MUL1: variants seen among roughly 807,000 people sequenced by gnomAD.
MUL1 encodes mitochondrial ubiquitin ligase activator of NFKB 1.
MUL1 carries 30 observed loss-of-function variants against 34.1 expected under a neutral mutation model. That is an observed-to-expected ratio of 0.88 (90% CI 0.66 to 1.19). The LOEUF (loss-of-function observed/expected upper bound fraction) is 1.19. Ranked by LOEUF, MUL1 falls within the 50% of genes most tolerant of loss-of-function variation. The pLI, the probability that MUL1 is intolerant of heterozygous loss-of-function variation, is 0.00. For missense variants in MUL1, 419 were observed against 450.5 expected (o/e 0.93, Z 0.63); for synonymous variants, 191 against 187.8 (o/e 1.02, Z -0.14).
chr1:20,500,800 A>G lies in MUL1; in HGVS notation c.949T>C (p.Cys317Arg), dbSNP rs1334828551. 1.9e-6 allele frequency: 3 copies of G among 1,613,974 alleles called. No homozygotes were observed. Among genetic ancestry groups the G allele is most frequent in the Non-Finnish European group, 2.5e-6 (3 of 1,180,032 alleles). ...SSFKSCVFLE[C>R]GHVCSCTECY... ...TCGGTGCAGGAACAAACGTGCCCAC[A>G]CTCCAGAAAGACGCAGGACTTGAAG... Residue 317 changes from cysteine to arginine, a missense_variant, in exon 4 of 4, where the codon TGT becomes CGT. Coordinates refer to ENST00000264198, the MANE Select transcript of MUL1 (RefSeq NM_024544.3).
Position 20,501,075 on chromosome 1 carries a change from T to C in MUL1, c.674A>G (p.Asp225Gly). 4 of 1,614,184 alleles carry C rather than the reference T, an allele frequency of 2.5e-6. No homozygotes were observed. Among genetic ancestry groups the C allele is most frequent in the Non-Finnish European group, 3.4e-6 (4 of 1,180,042 alleles). ...CTGCCTCTGCAGCAGGCTGTCGAAG[T>C]CCTGGCTGCTTAGATAGTACTGCAT... ...QGMQYYLSSQ[D>G]FDSLLQRQES... Residue 225 changes from aspartate to glycine, a missense_variant, in exon 4 of 4, where the codon GAC becomes GGC. Coordinates refer to ENST00000264198, the MANE Select transcript of MUL1 (RefSeq NM_024544.3). This position sits in a 1 kb window ranked among gnomAD's most constrained non-coding sequence, Gnocchi z 4.2.
rs1376796343 is a variant in MUL1 at position 20,501,404 on chromosome 1, C to A, written c.345G>T (p.Lys115Asn). The A allele has an allele frequency of 6.2e-7, 1 of 1,612,264 alleles. No individual in the cohort carries two copies. Among genetic ancestry groups the A allele is most frequent in the Admixed American group, 1.7e-5 (1 of 59,916 alleles). ...RTTHLWNDCS[K>N]IIHQRTNTVP... The stretch of plus-strand genomic sequence containing the variant: ...CTGTGTTGGTCCTCTGATGAATGAT[C>A]TTTGAGCAATCATTCCTAGAAGAAT... The change falls in exon 4 of 4, where the codon AAG becomes AAT. Residue 115 changes from lysine (K) to asparagine (N), a missense_variant. Lys to Asn is a moderately conservative substitution (Grantham distance 94). Transcript: ENST00000264198. The surrounding 1 kb of genome is among the most constrained non-coding windows in gnomAD (Gnocchi z 4.2).
intron 1 of MUL1, among the ~76,000 whole-genome samples, chr1:20,505,250 G>T (rs138339122): frequency 1.3e-5 from 2 of 152,210 alleles, no homozygotes; most frequent in Non-Finnish European, 2.9e-5. Flanking sequence ...CACAGGATAG[G>T]ACACAAGCCC....
At position 20,502,054 on chromosome 1, in the gene MUL1, A is replaced by T; in HGVS notation, c.329+15T>A. 1.2e-6 allele frequency: 2 copies of T among 1,612,862 alleles called. No individual in the cohort carries two copies. The highest frequency in any genetic ancestry group is 1.7e-6 in the Non-Finnish European group (2 of 1,179,828). The stretch of plus-strand genomic sequence containing the variant: ...CAACTGCAAGGGTTTTGGCCAGTGG[A>T]GAAGTGATACATACCAAAGGTGGGT... On this transcript the variant is annotated intron_variant, in intron 3 of 3. Coordinates refer to ENST00000264198, the MANE Select transcript of MUL1 (RefSeq NM_024544.3).
chr1:20,502,196 G>A lies in MUL1; in HGVS notation c.209-7C>T, dbSNP rs769254516. On this transcript the variant is annotated splice_polypyrimidine_tract_variant and splice_region_variant and intron_variant, in intron 2 of 3. Transcript: ENST00000264198. Reference sequence around the variant, plus strand: ...TTAACAGACCGCACAGCTCCTAAGTGGACACAAATTCTATTATTTCTGAAG... The same window carrying A: ...TTAACAGACCGCACAGCTCCTAAGTAGACACAAATTCTATTATTTCTGAAG... 3.3e-5 allele frequency: 54 copies of A among 1,613,556 alleles called. No homozygotes were observed. The highest frequency in any genetic ancestry group is 4.6e-5 in the Non-Finnish European group (54 of 1,179,836).
intron 1 of MUL1, among the ~76,000 whole-genome samples, chr1:20,507,364 T>G (rs752483664): frequency 4.6e-5 from 7 of 152,254 alleles, no homozygotes; most frequent in Non-Finnish European, 1.0e-4. Context: ...AATGGATGTC[T>G]GCACTTGCTG....
intron 1 of MUL1, among the ~76,000 whole-genome samples, chr1:20,503,645 A>T (rs574553343): frequency 1.3e-5 from 2 of 152,216 alleles, no homozygotes; most frequent in Non-Finnish European, 2.9e-5. Context: ...AACATCATTC[A>T]ATCTCTTCCT....
At chr1:20,505,547 C>T (rs1026655667) in intron 1 of MUL1, among the ~76,000 whole-genome samples, 6 of 127,890 alleles carry the variant, frequency 4.7e-5, no homozygotes, top group East Asian at 2.4e-4. Context: ...TGTGCCACTG[C>T]ACTCCAGCCT....
chr1:20,506,980 C>A (rs1295735609), intron 1 of MUL1, among the ~76,000 whole-genome samples: 1 of 152,164 alleles, frequency 6.6e-6, no homozygotes, highest in African/African-American at 2.4e-5. Flanking sequence ...TACATCCCAA[C>A]GCTTCGGAGA....
At position 20,502,305 on chromosome 1, in the gene MUL1, T is replaced by C. The variant is rs1570333168; in HGVS notation, c.209-116A>G. ...AGGTCACACCTATAATCCCAACACT[T>C]TGGGAAGCCAAGTCAGAAGGATCAC... is the stretch of plus-strand genomic sequence containing the variant. On this transcript the variant is annotated intron_variant, in intron 2 of 3. Coordinates refer to ENST00000264198, the MANE Select transcript of MUL1 (RefSeq NM_024544.3). 7 of 1,412,934 alleles carry C rather than the reference T, an allele frequency of 5.0e-6. No individual in the cohort carries two copies. In the African/African-American group the frequency reaches 8.5e-5, roughly 17 times the overall value. 87.5% of individuals were successfully genotyped at this position (1,412,934 alleles called of 1,614,324 possible).
In MUL1 at chr1:20,501,123, C is replaced by T. The variant is rs947831901; in HGVS notation, c.626G>A (p.Arg209His). ...GELVLDNNSV[R>H]LQPPKQGMQY... ...CATGCCTTGTTTGGGCGGCTGCAGGCGGACAGAGTTGTTGTCCAGGACCAG... is the reference window on the plus strand; with the variant it reads ...CATGCCTTGTTTGGGCGGCTGCAGGTGGACAGAGTTGTTGTCCAGGACCAG... Residue 209 changes from arginine to histidine, a missense_variant, in exon 4 of 4, where the codon CGC (arginine) becomes CAC (histidine). Arg to His is a conservative substitution (Grantham distance 29, BLOSUM62 0). Transcript: ENST00000264198. This position sits in a 1 kb window ranked among gnomAD's most constrained non-coding sequence, Gnocchi z 4.2. 18 of 1,613,968 alleles carry T rather than the reference C, an allele frequency of 1.1e-5. No individual in the cohort carries two copies. Among genetic ancestry groups the T allele is most frequent in the Non-Finnish European group, 1.4e-5 (16 of 1,180,010 alleles).
Position 20,502,104 on chromosome 1 carries a change from C to T in MUL1, c.294G>A (p.Glu98=), listed in dbSNP as rs769788193. The change falls in exon 3 of 4, where the codon GAG becomes GAA. Residue 98 remains glutamate (E), a synonymous_variant. Coordinates refer to ENST00000264198, the MANE Select transcript of MUL1 (RefSeq NM_024544.3). ...KGVIQRLTLQ[E]HKMVWNRTTH... ...TGGTTCGATTCCACACCATCTTGTGCTCCTGAAGTGTCAGCCGCTGAATTA... is the reference window on the plus strand; with the variant it reads ...TGGTTCGATTCCACACCATCTTGTGTTCCTGAAGTGTCAGCCGCTGAATTA... 10 of 1,613,940 alleles carry T rather than the reference C, an allele frequency of 6.2e-6. No homozygotes were observed. In the Admixed American group the frequency reaches 1.7e-4, roughly 27 times the overall value.
At chr1:20,502,037 A>G in intron 3 of MUL1, 32 bp downstream of exon 3, 11 of 1,612,030 alleles carry the variant, frequency 6.8e-6, no homozygotes, top group Non-Finnish European at 9.3e-6. Flanking sequence ...ACCAACTGCA[A>G]GGGTTTTGGC....
chr1:20,505,626 A>T (rs2051706978), intron 1 of MUL1, among the ~76,000 whole-genome samples: 4 of 151,264 alleles, frequency 2.6e-5, no homozygotes, highest in Admixed American at 1.3e-4. Context: ...AAAGAAAAAA[A>T]GAAAGAAGAA....
intron 1 of MUL1, among the ~76,000 whole-genome samples, chr1:20,505,788 T>C (rs1282270598): frequency 6.6e-6 from 1 of 152,042 alleles, no homozygotes; most frequent in East Asian, 1.9e-4. Flanking sequence ...TTAGGAACTG[T>C]TTGGCAAAGG....
At chr1:20,504,278 G>A (rs542690118) in intron 1 of MUL1, among the ~76,000 whole-genome samples, 75 of 152,212 alleles carry the variant, frequency 4.9e-4, no homozygotes, top group African/African-American at 1.7e-3. Flanking sequence ...AACTCAGAGC[G>A]TCCAACCCAC....
rs1372732393 is a variant in MUL1, at chr1:20,502,402, AG to A, written c.209-214del. Among the ~76,000 whole-genome samples the A allele has an allele frequency of 2.0e-5, 3 of 152,314 alleles. No homozygotes were observed. In the East Asian group the frequency reaches 5.8e-4, roughly 30 times the overall value. Reference sequence around the variant, plus strand: ...CATCTTTACAAAAAATTAAAAAGTTAGCAGGGTGTGGTGGCATGTGCCTGTA... The same window carrying A: ...CATCTTTACAAAAAATTAAAAAGTTACAGGGTGTGGTGGCATGTGCCTGTA... On this transcript the variant is annotated intron_variant, in intron 2 of 3. Transcript: ENST00000264198.
At chr1:20,502,221 G>T in intron 2 of MUL1, 32 bp from the exon 3 acceptor site, 2 of 1,613,082 alleles carry the variant, frequency 1.2e-6, no homozygotes, top group Non-Finnish European at 1.7e-6. Context: ...TATTTCTGAA[G>T]AAGTTTTCTG....
Position 20,501,301 on chromosome 1 carries a change from G to T in MUL1, c.448C>A (p.Leu150Met). Residue 150 changes from leucine (L) to methionine (M), a missense_variant, in exon 4 of 4, where the codon CTG becomes ATG. Coordinates refer to ENST00000264198, the MANE Select transcript of MUL1 (RefSeq NM_024544.3). The surrounding 1 kb of genome is among the most constrained non-coding windows in gnomAD (Gnocchi z 4.2). ...TTCTCATACACAGTCTCTAGACCCA[G>T]ATCCACTGAGTCCAGGGGCTTCAGC... ...RVLKPLDSVD[L>M]GLETVYEKFH... The T allele has an allele frequency of 6.2e-7, 1 of 1,614,176 alleles. No homozygotes were observed. Among genetic ancestry groups the T allele is most frequent in the Non-Finnish European group, 8.5e-7 (1 of 1,180,026 alleles).
Sources: gnomAD v4.1 joint callset for allele counts (sites outside exome capture counted in the v4.1 genomes callset) on GRCh38, gnomAD v4.1.1 for gene constraint, Gnocchi (gnomAD v3.1) non-coding constraint, MANE v1.5 for transcripts, NCBI Gene and HGNC (gene_info 2026-07-23, HGNC 2026-07-21) for gene names.